Variants in WDFY4 observed in about 807,000 individuals in gnomAD.
WDFY4 encodes WDFY family member 4.
Under a neutral mutation model 351.9 loss-of-function variants are expected in WDFY4, and 169 were observed. That is an observed-to-expected ratio of 0.48 (90% CI 0.42 to 0.55). The LOEUF is 0.55. Among genes scored for constraint, WDFY4 ranks in the 20% least tolerant of loss-of-function variants. WDFY4 has a pLI of 0.00. For missense variants in WDFY4, 3,803 were observed against 3,935.6 expected (o/e 0.97, Z 0.90); for synonymous variants, 1,622 against 1,574.6 (o/e 1.03, Z -0.71).
At chr10:48,804,284 G>C (rs1589651315) in intron 25 of WDFY4, among the ~76,000 whole-genome samples, 1 of 152,148 alleles carries the variant, frequency 6.6e-6, no homozygotes, top group Admixed American at 6.5e-5. Context: ...TCCACTTAAT[G>C]AACATCTATT....
rs78575315 is a variant in WDFY4 at position 48,757,775 on chromosome 10, T to C, written c.2460-2572T>C. Among the ~76,000 whole-genome samples the C allele has an allele frequency of 3.7e-3, 570 of 152,148 alleles. 3 individuals carry two copies. The highest frequency in any genetic ancestry group is 0.013 in the African/African-American group (535 of 41,554). On this transcript the variant is annotated intron_variant, in intron 12 of 61. Transcript: ENST00000325239. ...TCCTTTTTTGTCTCTCCTTTTTTTT[T>C]AGTGCTTTCAATAGGGACTGCAGTA... is the stretch of plus-strand genomic sequence containing the variant.
At chr10:48,853,222 C>A (rs186884789) in intron 39 of WDFY4, among the ~76,000 whole-genome samples, 37 of 152,218 alleles carry the variant, frequency 2.4e-4, no homozygotes, top group Non-Finnish European at 2.9e-5. Flanking sequence ...GAGTCTCTGT[C>A]GCCTGGTTGC....
chr10:48,964,831 G>A (rs1842007003), intron 54 of WDFY4, among the ~76,000 whole-genome samples: 2 of 152,220 alleles, frequency 1.3e-5, no homozygotes, highest in African/African-American at 4.8e-5. Context: ...GGTTGTGTGT[G>A]GAGGTGTTTT....
chr10:48,797,929 G>A (rs547786956), intron 24 of WDFY4, among the ~76,000 whole-genome samples: 23 of 152,308 alleles, frequency 1.5e-4, no homozygotes, highest in African/African-American at 5.3e-4. Flanking sequence ...GGTGACAAGA[G>A]CTCTGAAGCA....
chr10:48,767,330 C>A (rs11101467), intron 13 of WDFY4, among the ~76,000 whole-genome samples: 18,570 of 152,210 alleles, frequency 0.12, 1,542 homozygotes, highest in African/African-American at 0.22. Flanking sequence ...TGGCTCCCCA[C>A]GCCTGCTCCC....
intron 41 of WDFY4, 43 bp downstream of exon 41, chr10:48,873,740 G>A (rs2133286714): frequency 6.5e-7 from 1 of 1,540,872 alleles, no homozygotes; most frequent in Non-Finnish European, 8.8e-7. Flanking sequence ...TCCAGGTAGG[G>A]CCTGATAGGA....
intron 47 of WDFY4, among the ~76,000 whole-genome samples, chr10:48,921,167 A>AT (rs1218924820): frequency 6.6e-6 from 1 of 152,208 alleles, no homozygotes; most frequent in Non-Finnish European, 1.5e-5. Context: ...ATGGAAAATA[A>AT]TTTTGAAAAA....
At chr10:48,736,426 T>G (rs1430108077) in intron 11 of WDFY4, among the ~76,000 whole-genome samples, 9 of 152,226 alleles carry the variant, frequency 5.9e-5, no homozygotes, top group Admixed American at 5.2e-4. Context: ...TTCTGTCCAA[T>G]TTTCTTTAGG....
At chr10:48,733,367 C>T (rs1417849815) in intron 9 of WDFY4, among the ~76,000 whole-genome samples, 1 of 152,200 alleles carries the variant, frequency 6.6e-6, no homozygotes, top group East Asian at 1.9e-4. Flanking sequence ...AGGCACTTTG[C>T]TGGCATGGGG....
chr10:48,810,557 G>T lies in WDFY4; in HGVS notation c.4866G>T (p.Leu1622=). The change falls in exon 29 of 62, where the codon CTG becomes CTT. Residue 1622 remains leucine (L), a synonymous_variant. Transcript: ENST00000325239. The part of the protein sequence containing the change: ...SESKEEMFLK[L]GPDWFLLLLQ... The stretch of plus-strand genomic sequence containing the variant: ...CAAAGGAAGAGATGTTTCTGAAACT[G>T]GGGCCTGACTGGTTCCTGCTGCTCC... 6.4e-7 allele frequency: 1 copy of T among 1,551,598 alleles called. No individual in the cohort carries two copies. The highest frequency in any genetic ancestry group is 2.4e-5 in the East Asian group (1 of 40,926).
intron 39 of WDFY4, among the ~76,000 whole-genome samples, chr10:48,857,064 T>C (rs2069158719): frequency 1.3e-5 from 2 of 152,348 alleles, no homozygotes; most frequent in African/African-American, 4.8e-5. Context: ...TGCCAAATAC[T>C]CATGCCAATA....
chr10:48,924,321 A>G (rs2133615031), intron 47 of WDFY4, among the ~76,000 whole-genome samples: 1 of 152,334 alleles, frequency 6.6e-6, no homozygotes, highest in South Asian at 2.1e-4. Context: ...CAGTACCACT[A>G]GAAGCAGACC....
intron 15 of WDFY4, 83 bp downstream of exon 15, chr10:48,775,889 G>A (rs545958673): frequency 2.2e-5 from 28 of 1,294,354 alleles, no homozygotes; most frequent in Non-Finnish European, 2.7e-5. Flanking sequence ...TTTACAACAG[G>A]TGGGAAAGCA....
Position 48,731,391 on chromosome 10 carries a change from C to G in WDFY4, c.1411C>G (p.Gln471Glu). 6.4e-7 allele frequency: 1 copy of G among 1,551,766 alleles called. No homozygotes were observed. The highest frequency in any genetic ancestry group is 8.7e-7 in the Non-Finnish European group (1 of 1,147,018). The change falls in exon 9 of 62, where the codon CAG becomes GAG. Residue 471 changes from glutamine to glutamate, a missense_variant. Gln to Glu is a conservative substitution (Grantham distance 29, BLOSUM62 2). This residue lies in a region of WDFY4 where 261 missense variants were observed against 330.2 expected (regional missense o/e 0.79). Coordinates refer to ENST00000325239, the MANE Select transcript of WDFY4 (RefSeq NM_001394531.1). ...YVPHEILRKVQHLIKESPGPS... is the reference protein window; with the variant it reads ...YVPHEILRKVEHLIKESPGPS... ...GCCTCATGAGATCCTGCGAAAGGTA[C>G]AGCATCTGATCAAGGAGAGCCCTGG...
At chr10:48,718,487 T>C (rs958304017) in intron 2 of WDFY4, among the ~76,000 whole-genome samples, 1 of 152,184 alleles carries the variant, frequency 6.6e-6, no homozygotes, top group African/African-American at 2.4e-5. Context: ...CTCATTCAGG[T>C]CTTTGAGCAG....
chr10:48,938,432 G>T (rs905964424), intron 47 of WDFY4, among the ~76,000 whole-genome samples: 1 of 152,240 alleles, frequency 6.6e-6, no homozygotes, highest in Non-Finnish European at 1.5e-5. Context: ...CTTTGGTCTG[G>T]GGTCTAACCC....
Position 48,910,229 on chromosome 10 carries a change from C to T in WDFY4, c.7586+8366C>T, listed in dbSNP as rs772643937. On this transcript the variant is annotated intron_variant, in intron 47 of 61. Transcript: ENST00000325239. ...CTGAGTAGTCTTCAAGATTTTGCCA[C>T]AGCTACTCTAGGAAGATGTCAAGCG... 3 of 1,605,456 alleles carry T rather than the reference C, an allele frequency of 1.9e-6. No individual in the cohort carries two copies. In the South Asian group the frequency reaches 3.3e-5, roughly 18 times the overall value.
At chr10:48,785,392 G>A (rs1371155258) in intron 19 of WDFY4, among the ~76,000 whole-genome samples, 2 of 151,918 alleles carry the variant, frequency 1.3e-5, no homozygotes, top group South Asian at 2.1e-4. Flanking sequence ...CATGCTTTTG[G>A]TGTCGTTTGA....
At chr10:48,869,510 C>A (rs775372518) in intron 40 of WDFY4, among the ~76,000 whole-genome samples, 1 of 151,344 alleles carries the variant, frequency 6.6e-6, no homozygotes, top group Non-Finnish European at 1.5e-5. Flanking sequence ...ATATCAACAG[C>A]AAACATTGCA....
Sources: allele counts gnomAD v4.1 joint callset (sites outside exome capture counted in the v4.1 genomes callset), GRCh38; gene constraint gnomAD v4.1.1; regional missense constraint gnomAD v4.1.1; transcripts MANE v1.5; gene names NCBI Gene and HGNC (gene_info 2026-07-23, HGNC 2026-07-21).